RFC5: variants seen among roughly 807,000 people sequenced by gnomAD.
The protein encoded by RFC5 is A1 36 kDa subunit.
A neutral mutation model predicts 44.3 loss-of-function variants in RFC5; 26 were observed. The ratio of observed to expected loss-of-function variants is 0.59; its 90% CI spans 0.43 to 0.81. The LOEUF (loss-of-function observed/expected upper bound fraction) is 0.81. Among genes scored for constraint, RFC5 ranks in the 40% least tolerant of loss-of-function variants. The pLI, the probability that RFC5 is intolerant of heterozygous loss-of-function variation, is 0.00. For synonymous variants in RFC5, 155 were observed against 155.2 expected (o/e 1.00, Z 0.01); for missense variants, 328 against 418.6 (o/e 0.78, Z 1.89).
chr12:118,034,481 C>A, downstream of RFC5: 1 of 1,177,998 alleles, frequency 8.5e-7, no homozygotes, highest in Admixed American at 2.7e-5. Context: ...GAAATGTAAC[C>A]CTGACTGTGG....
downstream of RFC5, chr12:118,035,594 G>A: frequency 5.2e-6 from 2 of 386,824 alleles, no homozygotes; most frequent in East Asian, 4.9e-5. Flanking sequence ...TAATGCCACA[G>A]TAGAAACTGC....
At chr12:118,034,005 A>G, downstream of RFC5, 1 of 729,584 alleles carries the variant, frequency 1.4e-6, no homozygotes, top group East Asian at 2.7e-5. Flanking sequence ...TTCCTCTAAG[A>G]CTGACTTTCA....
chr12:118,037,161 G>A (rs529326460), downstream of RFC5, among the ~76,000 whole-genome samples: 3 of 150,360 alleles, frequency 2.0e-5, no homozygotes, highest in African/African-American at 4.9e-5. Flanking sequence ...CAGCTTGGGC[G>A]AAAGAGTAAG....
At chr12:118,034,881 CT>C, downstream of RFC5, 1 of 1,080,074 alleles carries the variant, frequency 9.3e-7, no homozygotes, top group Non-Finnish European at 1.3e-6. Flanking sequence ...TGCCTTAAAG[CT>C]TTCCTCATAG....
At chr12:118,033,277 A>G (rs914530500), downstream of RFC5, 8 of 152,576 alleles carry the variant, frequency 5.2e-5, no homozygotes, top group African/African-American at 1.7e-4. Flanking sequence ...GATCTCGTAC[A>G]TAAGAGTATC....
rs545796675 is a variant in RFC5 at position 118,018,006 on chromosome 12, C to T, written c.66-1066C>T. 686 of 701,656 alleles carry T rather than the reference C, an allele frequency of 9.8e-4. 3 individuals are homozygous for T. The highest frequency in any genetic ancestry group is 1.3e-3 in the Non-Finnish European group (498 of 384,874). The allele number at this position is 701,656 out of a possible 1,614,324, so 43.5% of individuals were successfully genotyped here. On this transcript the variant is annotated intron_variant, in intron 1 of 10. Coordinates refer to ENST00000454402, the MANE Select transcript of RFC5 (RefSeq NM_007370.7). ...TCCCCTTCCTCTAGCCCCTGGCAAC[C>T]ACTAATCTGCTTTCTATCTATGGAT...
intron 4 of RFC5, among the ~76,000 whole-genome samples, chr12:118,021,928 G>A (rs571304817): frequency 1.3e-5 from 2 of 152,200 alleles, no homozygotes; most frequent in East Asian, 3.9e-4. Context: ...CTGCACTCCA[G>A]CCTGGGCAAC....
At chr12:118,024,802 A>C in intron 5 of RFC5, 49 bp from the exon 6 acceptor site, 2 of 1,535,370 alleles carry the variant, frequency 1.3e-6, no homozygotes, top group East Asian at 4.5e-5. Flanking sequence ...GGCTCTCTGA[A>C]AAATCAGAAT....
the RFC5 span, among the ~76,000 whole-genome samples, chr12:118,040,879 C>G: frequency 6.6e-6 from 1 of 152,154 alleles, no homozygotes; most frequent in Non-Finnish European, 1.5e-5. Context: ...GAAACCCTGT[C>G]TCTACTAAAA....
chr12:118,036,481 C>T (rs762668888), downstream of RFC5: 25 of 1,613,720 alleles, frequency 1.5e-5, no homozygotes, highest in Middle Eastern at 1.6e-4. Context: ...TCCGAATTAA[C>T]GTGTAGGACC....
At position 118,019,501 on chromosome 12, in the gene RFC5, C is replaced by A; in HGVS notation, c.131-131C>A. ...CACGAAAGTAGATATGAGGCCCCTA[C>A]ATCAAGTTGTATCTGCCTCTGATTT... On this transcript the variant is annotated intron_variant, in intron 2 of 10. Transcript: ENST00000454402. The surrounding 1 kb of genome is among the most constrained non-coding windows in gnomAD (Gnocchi z 4.2). The A allele has an allele frequency of 1.0e-6, 1 of 966,914 alleles. No homozygotes were observed. Among genetic ancestry groups the A allele is most frequent in the South Asian group, 1.6e-5 (1 of 64,162 alleles). The allele number at this position is 966,914 out of a possible 1,614,324, so 59.9% of individuals were successfully genotyped here. A position where few individuals can be genotyped will look rare whatever the true frequency, so the allele number is the denominator to read the frequency against.
intron 8 of RFC5, chr12:118,027,381 A>G (rs1404594914): frequency 5.2e-6 from 1 of 192,290 alleles, no homozygotes; most frequent in East Asian, 1.5e-4. Flanking sequence ...CTTTTTGGAA[A>G]TGCATTTGGG....
At chr12:118,030,177 T>TG in intron 10 of RFC5, among the ~76,000 whole-genome samples, 1 of 152,104 alleles carries the variant, frequency 6.6e-6, no homozygotes, top group African/African-American at 2.4e-5. Flanking sequence ...TAAAGCATAT[T>TG]GGGGGGAAAA....
chr12:118,017,698 T>C (rs902922095), intron 1 of RFC5: 2 of 814,470 alleles, frequency 2.5e-6, no homozygotes, highest in African/African-American at 1.8e-5. Flanking sequence ...AGAGACAGGG[T>C]CTCGCTCTGT....
chr12:118,018,979 A>G lies in RFC5; in HGVS notation c.66-93A>G, dbSNP rs890033252. 5.2e-6 allele frequency: 5 copies of G among 956,036 alleles called. No homozygotes were observed. In the Admixed American group the frequency reaches 9.0e-5, roughly 17 times the overall value. The allele number at this position is 956,036 out of a possible 1,614,324, so 59.2% of individuals were successfully genotyped here. On this transcript the variant is annotated intron_variant, in intron 1 of 10. Coordinates refer to ENST00000454402, the MANE Select transcript of RFC5 (RefSeq NM_007370.7). Reference sequence around the variant, plus strand: ...CTCCCAAAGTGCTGGGATTACAGGCATGAGCCACTGTGCCTGACCTGCAAG... The same window carrying G: ...CTCCCAAAGTGCTGGGATTACAGGCGTGAGCCACTGTGCCTGACCTGCAAG...
At chr12:118,037,107 G>T (rs2031529548), downstream of RFC5, among the ~76,000 whole-genome samples, 1 of 152,014 alleles carries the variant, frequency 6.6e-6, no homozygotes, top group East Asian at 1.9e-4. Flanking sequence ...ACTTGAGCCT[G>T]GTAGGTGGAG....
At chr12:118,034,581 C>CT, downstream of RFC5, 1 of 531,716 alleles carries the variant, frequency 1.9e-6, no homozygotes, top group Non-Finnish European at 3.2e-6. Flanking sequence ...AGCGCTCTCT[C>CT]TGTCTCTCTC....
intron 8 of RFC5, chr12:118,027,313 C>T (rs762515549): frequency 1.1e-5 from 4 of 352,072 alleles, no homozygotes; most frequent in Non-Finnish European, 2.1e-5. Flanking sequence ...TTCAAGTGGT[C>T]ATGATAGTGA....
At position 118,031,239 on chromosome 12, in the gene RFC5, A is replaced by T. The variant is rs766250576; in HGVS notation, c.984A>T (p.Ala328=). 6.2e-7 allele frequency: 1 copy of T among 1,613,936 alleles called. No individual in the cohort carries two copies. ...EKIQLSSLIA[A]FQVTRDLIVA... The stretch of plus-strand genomic sequence containing the variant: ...TCCAGCTGAGCTCCCTCATTGCTGC[A>T]TTTCAAGTCACCAGAGACCTGATTG... Residue 328 remains alanine (A), a synonymous_variant, in exon 11 of 11, where the codon GCA becomes GCT. Transcript: ENST00000454402.
Sources: gnomAD v4.1 joint callset for allele counts (sites outside exome capture counted in the v4.1 genomes callset) on GRCh38, gnomAD v4.1.1 for gene constraint, Gnocchi (gnomAD v3.1) non-coding constraint, MANE v1.5 for transcripts, NCBI Gene and HGNC (gene_info 2026-07-23, HGNC 2026-07-21) for gene names.